DGKB: variants seen among roughly 807,000 people sequenced by gnomAD.
DGKB encodes diacylglycerol kinase beta.
In DGKB, 67 loss-of-function variants were observed where a neutral mutation model predicts 114.3. That is an observed-to-expected ratio of 0.59 (90% confidence interval 0.48 to 0.72). The LOEUF is 0.72. DGKB is among the 30% of genes least tolerant of loss of function. DGKB has a pLI of 0.00. For synonymous variants in DGKB, 398 were observed against 323.1 expected, an observed-to-expected ratio of 1.23 and a Z score of -2.49; for missense variants, 907 against 975.2, an observed-to-expected ratio of 0.93 and a Z score of 0.93.
intron 20 of DGKB, among the ~76,000 whole-genome samples, chr7:14,527,131 G>A (rs1034413472): frequency 2.6e-5 from 4 of 152,044 alleles, no homozygotes; most frequent in Non-Finnish European, 4.4e-5. Flanking sequence ...AGTTAGTCCA[G>A]TTGGGTCACC....
At chr7:14,259,407 CTATATATATATA>C (rs71975347) in intron 23 of DGKB, among the ~76,000 whole-genome samples, 15 of 108,210 alleles carry the variant, frequency 1.4e-4, no homozygotes, top group East Asian at 1.2e-3. Context: ...CTCTCTCTCT[CTATATATATATA>C]TATATATATG....
intron 22 of DGKB, among the ~76,000 whole-genome samples, chr7:14,344,820 G>A (rs1280946107): frequency 1.3e-5 from 2 of 151,128 alleles, no homozygotes; most frequent in Non-Finnish European, 3.0e-5. Context: ...ATGGGGAAAT[G>A]GCAACCTTGG....
At chr7:14,496,514 C>T (rs958301894) in intron 20 of DGKB, among the ~76,000 whole-genome samples, 2 of 150,358 alleles carry the variant, frequency 1.3e-5, no homozygotes, top group Non-Finnish European at 3.0e-5. Flanking sequence ...ATCAAAATAA[C>T]CTGCAAAGTC....
chr7:14,489,798 G>C (rs1038690421), intron 20 of DGKB, among the ~76,000 whole-genome samples: 4 of 151,968 alleles, frequency 2.6e-5, no homozygotes, highest in Non-Finnish European at 5.9e-5. Context: ...AAGGAGGAGG[G>C]GAAATGAGAT....
intron 20 of DGKB, among the ~76,000 whole-genome samples, chr7:14,538,297 A>ACCC (rs1246564486): frequency 4.6e-5 from 7 of 152,046 alleles, no homozygotes; most frequent in Non-Finnish European, 8.8e-5. Context: ...AAAAACAACA[A>ACCC]AATAACCCAG....
At chr7:14,532,545 T>C (rs1584624676) in intron 20 of DGKB, among the ~76,000 whole-genome samples, 1 of 151,466 alleles carries the variant, frequency 6.6e-6, no homozygotes, top group South Asian at 2.1e-4. Context: ...AGATGCACAG[T>C]TATGTTTCAT....
At chr7:14,892,958 GTGTA>G (rs1781509704) in intron 1 of DGKB, among the ~76,000 whole-genome samples, 2 of 150,230 alleles carry the variant, frequency 1.3e-5, no homozygotes, top group Non-Finnish European at 3.0e-5. Context: ...ACATATGTGT[GTGTA>G]TATATACATA....
At chr7:14,939,919 T>C (rs1466820544) in intron 1 of DGKB, among the ~76,000 whole-genome samples, 2 of 152,172 alleles carry the variant, frequency 1.3e-5, no homozygotes, top group African/African-American at 4.8e-5. Context: ...AGCCAATTCA[T>C]ATTTATAAAA....
chr7:14,570,844 G>A lies in DGKB; in HGVS notation c.1770+3368C>T, dbSNP rs577757343. Among the ~76,000 whole-genome samples the A allele has an allele frequency of 2.0e-5, 3 of 152,140 alleles. No homozygotes were observed. In the South Asian group the frequency reaches 6.2e-4, roughly 32 times the overall value. Reference sequence around the variant, plus strand: ...CTTTTATTGAAAAAAAAATCGATAAGTTGACCAGTGCCGTTCAAACCTGTG... The same window carrying A: ...CTTTTATTGAAAAAAAAATCGATAAATTGACCAGTGCCGTTCAAACCTGTG... On this transcript the variant is annotated intron_variant, in intron 20 of 25. Transcript: ENST00000402815.
At chr7:14,263,197 C>A (rs1322611009) in intron 23 of DGKB, among the ~76,000 whole-genome samples, 1 of 152,004 alleles carries the variant, frequency 6.6e-6, no homozygotes, top group Non-Finnish European at 1.5e-5. Context: ...TTCTATGTGC[C>A]CGAGTAAACT....
chr7:14,666,418 GCCTC>G (rs546126697), intron 13 of DGKB, among the ~76,000 whole-genome samples: 51 of 152,016 alleles, frequency 3.4e-4, no homozygotes, highest in African/African-American at 1.2e-3. Flanking sequence ...CTTGCATATG[GCCTC>G]ATTAGGCCAT....
At chr7:14,940,355 T>C (rs72597828) in intron 1 of DGKB, among the ~76,000 whole-genome samples, 30,915 of 151,638 alleles carry the variant, frequency 0.2, 4,988 homozygotes, top group East Asian at 0.8. Flanking sequence ...TTTTTTTTTT[T>C]TAATTTCTAC....
At position 14,637,531 on chromosome 7, in the gene DGKB, T is replaced by G. The variant is rs751504523; in HGVS notation, c.1135-7263A>C. Among the ~76,000 whole-genome samples the G allele has an allele frequency of 7.9e-5, 12 of 151,604 alleles. 1 individual carries two copies. The highest frequency in any genetic ancestry group is 3.3e-4 in the Admixed American group (5 of 15,186). Reference sequence around the variant, plus strand: ...AACTCTATAAGATTATATATATATGTGTGTATATATATATACATGTGTGTA... The same window carrying G: ...AACTCTATAAGATTATATATATATGGGTGTATATATATATACATGTGTGTA... On this transcript the variant is annotated intron_variant, in intron 13 of 25. Transcript: ENST00000402815.
chr7:14,328,819 T>A (rs17150049), intron 23 of DGKB, among the ~76,000 whole-genome samples: 37,899 of 151,922 alleles, frequency 0.25, 5,401 homozygotes, highest in South Asian at 0.37. Context: ...TCTGTCACCT[T>A]ATAATATTCA....
chr7:14,478,955 A>G (rs1782598755), intron 20 of DGKB, among the ~76,000 whole-genome samples: 1 of 152,142 alleles, frequency 6.6e-6, no homozygotes, highest in Admixed American at 6.6e-5. Context: ...GATAGAAATC[A>G]TACTCAATGT....
intron 23 of DGKB, among the ~76,000 whole-genome samples, chr7:14,300,974 GCAGATTAGATT>G (rs1219225714): frequency 6.0e-5 from 1 of 16,784 alleles, no homozygotes; most frequent in African/African-American, 1.3e-4. Context: ...CTAACTGGAT[GCAGATTAGATT>G]GGATTTTAGC....
At chr7:14,824,422 A>C (rs925305278) in intron 2 of DGKB, among the ~76,000 whole-genome samples, 2 of 152,182 alleles carry the variant, frequency 1.3e-5, no homozygotes, top group Admixed American at 6.6e-5. Context: ...AAAGTAGGAG[A>C]GAAATAGAAA....
intron 23 of DGKB, among the ~76,000 whole-genome samples, chr7:14,229,261 A>G (rs1369738280): frequency 6.6e-6 from 1 of 152,000 alleles, no homozygotes; most frequent in Non-Finnish European, 1.5e-5. Flanking sequence ...CAACAGGGAT[A>G]CATTCTGATA....
rs372780599 is a variant in DGKB at position 14,493,925 on chromosome 7, T to TACACACACACACACAC, written c.1771-15716_1771-15701dup. ...AAATACCATGGCTATCATGGTATCATACACACACACACACACACACACACA... is the reference window on the plus strand; with the variant it reads ...AAATACCATGGCTATCATGGTATCATACACACACACACACACACACACACACACACACACACACACA... On this transcript the variant is annotated intron_variant, in intron 20 of 25. Coordinates refer to ENST00000402815, the MANE Select transcript of DGKB (RefSeq NM_001350709.2). Among the ~76,000 whole-genome samples, 25 of 137,722 alleles carry TACACACACACACACAC rather than the reference T, an allele frequency of 1.8e-4. No homozygotes were observed. In the East Asian group the frequency reaches 1.9e-3, roughly 10 times the overall value. 90.4% of individuals were successfully genotyped at this position (137,722 alleles called of 152,430 possible).
Sources: gnomAD v4.1 joint callset for allele counts (sites outside exome capture counted in the v4.1 genomes callset) on GRCh38, gnomAD v4.1.1 for gene constraint, MANE v1.5 for transcripts, NCBI Gene and HGNC (gene_info 2026-07-23, HGNC 2026-07-21) for gene names.